Variants in MBD1 observed in about 807,000 individuals in gnomAD.
The protein encoded by MBD1 is methyl-CpG-binding domain protein 1.
MBD1 carries 25 observed loss-of-function variants against 82.6 expected under a neutral mutation model. That is an observed-to-expected ratio of 0.30 (90% CI 0.22 to 0.42). MBD1 has a LOEUF of 0.42. Among genes scored for constraint, MBD1 ranks in the 10% least tolerant of loss-of-function variants. The probability of loss-of-function intolerance (pLI) is 1.00; values close to 1 mark genes in which losing one functional copy is unlikely to be tolerated. For synonymous variants in MBD1, 301 were observed against 303.7 expected, an observed-to-expected ratio of 0.99 and a Z score of 0.09; for missense variants, 627 against 819.6, an observed-to-expected ratio of 0.76 and a Z score of 2.87.
chr18:50,281,730 A>T (rs2040308596), upstream of MBD1: 4 of 376,838 alleles, frequency 1.1e-5, no homozygotes, highest in South Asian at 4.4e-4. Context: ...AGGGACTGGC[A>T]GTTGCGGCTC....
At chr18:50,277,049 G>A in intron 3 of MBD1, 41 bp downstream of exon 3, 3 of 1,613,264 alleles carry the variant, frequency 1.9e-6, no homozygotes, top group Non-Finnish European at 2.5e-6. Flanking sequence ...GTGTTGGGTG[G>A]CACATCCACC....
At position 50,280,111 on chromosome 18, in the gene MBD1, C is replaced by T. The variant is rs2039637502; in HGVS notation, c.-25-94G>A. 3.1e-6 allele frequency: 4 copies of T among 1,305,204 alleles called. No homozygotes were observed. The African/African-American group carries it at 4.4e-5, about 14-fold the overall frequency. 80.9% of individuals were successfully genotyped at this position (1,305,204 alleles called of 1,614,324 possible). ...CACAAATCACTGGTATCCATTAGTGCTTGCCCAAGCCCTAGGACCTGCCAC... is the reference window on the plus strand; with the variant it reads ...CACAAATCACTGGTATCCATTAGTGTTTGCCCAAGCCCTAGGACCTGCCAC... On this transcript the variant is annotated intron_variant, in intron 1 of 16. Coordinates refer to ENST00000269468, the MANE Select transcript of MBD1 (RefSeq NM_015846.4).
chr18:50,274,389 G>T, intron 10 of MBD1, 36 bp from the exon 11 acceptor site: 1 of 1,600,878 alleles, frequency 6.2e-7, no homozygotes, highest in South Asian at 1.1e-5. Context: ...TGTCAACTAG[G>T]ACTAGGAGAG....
At position 50,279,972 on chromosome 18, in the gene MBD1, G is replaced by T; in HGVS notation, c.21C>A (p.Asp7Glu). The change falls in exon 2 of 17, where the codon GAC becomes GAA. Residue 7 changes from aspartate (D) to glutamate (E), a missense_variant. Asp to Glu is a conservative substitution (Grantham distance 45). Around this residue, in one of 6 missense-constraint regions of MBD1, gnomAD observed 42 missense variants for 90.4 expected, o/e 0.46. Coordinates refer to ENST00000269468, the MANE Select transcript of MBD1 (RefSeq NM_015846.4). Reference protein sequence around the residue: MAEDWLDCPALGPGWKR... With the variant: MAEDWLECPALGPGWKR... Reference sequence around the variant, plus strand: ...TCCAGCCAGGGCCCAGGGCCGGGCAGTCCAGCCAGTCCTCAGCCATGGAGG... The same window carrying T: ...TCCAGCCAGGGCCCAGGGCCGGGCATTCCAGCCAGTCCTCAGCCATGGAGG... The T allele has an allele frequency of 6.2e-7, 1 of 1,610,058 alleles. No individual in the cohort carries two copies.
chr18:50,277,419 A>G (rs2038388758), intron 2 of MBD1, among the ~76,000 whole-genome samples: 1 of 152,198 alleles, frequency 6.6e-6, no homozygotes, highest in Non-Finnish European at 1.5e-5. Context: ...ATGTAAACAG[A>G]TGAACATATT....
chr18:50,276,918 G>C lies in MBD1; in HGVS notation c.306C>G (p.Pro102=). ...CCTCCTTCCTGACCTCACCACTCTGGGGTCCAACCTGACGTTTCCGAGTCT... is the reference window on the plus strand; with the variant it reads ...CCTCCTTCCTGACCTCACCACTCTGCGGTCCAACCTGACGTTTCCGAGTCT... ...PAKTRKRQVG[P]QSGEVRKEAP... Residue 102 remains proline (P), a synonymous_variant, in exon 4 of 17, where the codon CCC becomes CCG. Transcript: ENST00000269468. 2 of 1,614,208 alleles carry C rather than the reference G, an allele frequency of 1.2e-6. No individual in the cohort carries two copies. Among genetic ancestry groups the C allele is most frequent in the East Asian group, 2.2e-5 (1 of 44,886 alleles).
chr18:50,268,454 G>A (rs937831739), downstream of MBD1, among the ~76,000 whole-genome samples: 1 of 152,250 alleles, frequency 6.6e-6, no homozygotes, highest in African/African-American at 2.4e-5. Flanking sequence ...ATTTGAAGAG[G>A]GGGACTCAGC....
chr18:50,276,120 G>A (rs746521542), intron 6 of MBD1, 139 bp from the exon 7 acceptor site: 1 of 1,159,838 alleles, frequency 8.6e-7, no homozygotes. Context: ...GAGAAGGTCT[G>A]GTTAGTCACC....
At position 50,281,470 on chromosome 18, in the gene MBD1, C is replaced by T. The variant is rs2040245367; in HGVS notation, c.-133G>A. On this transcript the variant is annotated 5_prime_UTR_variant, in exon 1 of 17. Transcript: ENST00000269468. ...CCCTCCTCCCCTTCCTCCTCCTCCG[C>T]GGCCGCCTCCTCTGAAGCGGTAGCT... 2 of 592,334 alleles carry T rather than the reference C, an allele frequency of 3.4e-6. No homozygotes were observed. The highest frequency in any genetic ancestry group is 1.9e-5 in the African/African-American group (1 of 53,624). 36.7% of individuals were successfully genotyped at this position (592,334 alleles called of 1,614,324 possible). A position where few individuals can be genotyped will look rare whatever the true frequency, so the allele number is the denominator to read the frequency against.
At chr18:50,277,633 A>C (rs536316348) in intron 2 of MBD1, among the ~76,000 whole-genome samples, 1 of 152,110 alleles carries the variant, frequency 6.6e-6, no homozygotes, top group African/African-American at 2.4e-5. Context: ...AACTACATAC[A>C]AATTAAAGTA....
chr18:50,275,377 G>A, intron 8 of MBD1, 132 bp from the exon 9 acceptor site: 4 of 1,611,206 alleles, frequency 2.5e-6, no homozygotes, highest in South Asian at 1.1e-5. Flanking sequence ...CACAGTTGGG[G>A]GAGCCACAGC....
rs2037682469 is a variant in MBD1, at chr18:50,275,948, C to G, written c.550G>C (p.Val184Leu). ...VGCGECAACQVTEDCGACSTC... is the reference protein window; with the variant it reads ...VGCGECAACQLTEDCGACSTC... ...GAGCAGGCCCCACAGTCTTCTGTTA[C>G]CTGGCAGGCTGCACACTCCCCACAG... The change falls in exon 7 of 17, where the codon GTA (valine) becomes CTA (leucine). Residue 184 changes from valine (V) to leucine (L), a missense_variant. Val to Leu is a conservative substitution (Grantham distance 32). Around this residue, in one of 6 missense-constraint regions of MBD1, gnomAD observed 228 missense variants for 318.1 expected, o/e 0.72. Transcript: ENST00000269468. 1 of 1,613,524 alleles carries G rather than the reference C, an allele frequency of 6.2e-7. No individual in the cohort carries two copies. Among genetic ancestry groups the G allele is most frequent in the Non-Finnish European group, 8.5e-7 (1 of 1,180,034 alleles).
At chr18:50,272,976 G>T in intron 13 of MBD1, 21 bp from the exon 14 acceptor site, 1 of 1,613,946 alleles carries the variant, frequency 6.2e-7, no homozygotes, top group Non-Finnish European at 8.5e-7. Flanking sequence ...TAGGAAACAG[G>T]CAACCATTAG....
At chr18:50,270,092 G>T (rs749550115) in intron 16 of MBD1, 1 of 1,598,198 alleles carries the variant, frequency 6.3e-7, no homozygotes, top group African/African-American at 1.3e-5. Context: ...GTTCCTGGGG[G>T]AAACAAAGCA....
rs759106550 is a variant in MBD1 at position 50,273,593 on chromosome 18, C to A, written c.1417G>T (p.Val473Phe). The A allele has an allele frequency of 2.5e-6, 4 of 1,612,892 alleles. No individual in the cohort carries two copies. Among genetic ancestry groups the A allele is most frequent in the South Asian group, 1.1e-5 (1 of 91,088 alleles). The change falls in exon 12 of 17, where the codon GTT (valine) becomes TTT (phenylalanine). Residue 473 changes from valine (V) to phenylalanine (F), a missense_variant. Transcript: ENST00000269468. Reference protein sequence around the residue: ...ASSPVQVPGPVAASTEALLQE... With the variant: ...ASSPVQVPGPFAASTEALLQE... ...AACAGGGCTTCTGTGGAAGCTGCAA[C>A]AGGGCCCGGCACCTGCACAGGACTG...
downstream of MBD1, among the ~76,000 whole-genome samples, chr18:50,268,418 G>C (rs2034218102): frequency 6.6e-6 from 1 of 152,238 alleles, no homozygotes; most frequent in African/African-American, 2.4e-5. Flanking sequence ...ATTTAACCCC[G>C]GTTCGGTTTT....
intron 15 of MBD1, 31 bp from the exon 16 acceptor site, chr18:50,271,571 AAT>A: frequency 6.2e-7 from 1 of 1,614,096 alleles, no homozygotes; most frequent in East Asian, 2.2e-5. Flanking sequence ...CTGTATGTTG[AAT>A]GAGGTTTGCT....
At chr18:50,267,312 G>C, downstream of MBD1, 1 of 419,968 alleles carries the variant, frequency 2.4e-6, no homozygotes, top group Non-Finnish European at 4.4e-6. Flanking sequence ...AGCTCAGGGA[G>C]CCTAAGTGCC....
chr18:50,267,357 T>C (rs2034042327), downstream of MBD1: 1 of 511,164 alleles, frequency 2.0e-6, no homozygotes, highest in Admixed American at 3.3e-5. Context: ...AATAATAATT[T>C]TTTAAAACCT....
Sources: allele counts gnomAD v4.1 joint callset (sites outside exome capture counted in the v4.1 genomes callset), GRCh38; gene constraint gnomAD v4.1.1; regional missense constraint gnomAD v4.1.1; transcripts MANE v1.5; gene names NCBI Gene and HGNC (gene_info 2026-07-23, HGNC 2026-07-21).